Variants in PRDM16 observed in about 807,000 individuals in gnomAD.
PRDM16 encodes the protein histone-lysine N-methyltransferase PRDM16.
A neutral mutation model predicts 110.6 loss-of-function variants in PRDM16; 23 were observed. That is an observed-to-expected ratio of 0.21 (90% CI 0.15 to 0.29). The LOEUF (loss-of-function observed/expected upper bound fraction) is 0.29. Among genes scored for constraint, PRDM16 ranks in the 10% least tolerant of loss-of-function variants. The pLI, the probability that PRDM16 is intolerant of heterozygous loss-of-function variation, is 1.00. For missense variants in PRDM16, 1,615 were observed against 1,794.3 expected (o/e 0.90, Z 1.81); for synonymous variants, 799 against 781.8 (o/e 1.02, Z -0.37).
At chr1:3,378,540 C>T (rs1234928486) in intron 3 of PRDM16, among the ~76,000 whole-genome samples, 1 of 152,168 alleles carries the variant, frequency 6.6e-6, no homozygotes, top group African/African-American at 2.4e-5. Flanking sequence ...CTGGCCCTGT[C>T]TCCAGGGGCC....
Position 3,350,195 on chromosome 1 carries a change from A to G in PRDM16, c.439-34957A>G, listed in dbSNP as rs1241291755. 6.6e-6 allele frequency among the ~76,000 whole-genome samples: 1 copy of G among 152,184 alleles called. No homozygotes were observed. Among genetic ancestry groups the G allele is most frequent in the Non-Finnish European group, 1.5e-5 (1 of 68,038 alleles). ...ACAAAAATTAGCCTGATGTGATGGC[A>G]TGTGCTGGTAGTTCCAGCTACTCAG... On this transcript the variant is annotated intron_variant, in intron 3 of 16. Coordinates refer to ENST00000270722, the MANE Select transcript of PRDM16 (RefSeq NM_022114.4). The surrounding 1 kb of genome is among the most constrained non-coding windows in gnomAD (Gnocchi z 7.1).
chr1:3,304,993 C>T (rs1217309549), intron 3 of PRDM16, among the ~76,000 whole-genome samples: 1 of 152,174 alleles, frequency 6.6e-6, no homozygotes, highest in East Asian at 1.9e-4. Flanking sequence ...GTGCTCTGCC[C>T]TCCTGTGCAC....
rs1005195618 is a variant in PRDM16 at position 3,412,069 on chromosome 1, C to T, written c.1872C>T (p.Asp624=). Residue 624 remains aspartate (D), a synonymous_variant, in exon 9 of 17, where the codon GAC becomes GAT. Coordinates refer to ENST00000270722, the MANE Select transcript of PRDM16 (RefSeq NM_022114.4). ...ACACGACCACGGGGACGGGCTCGGA[C>T]CTGGACAGCGACGTGGACAGCGACC... is the stretch of plus-strand genomic sequence containing the variant. The part of the protein sequence containing the change: ...DLDTTTGTGS[D]LDSDVDSDPD... 6.2e-7 allele frequency: 1 copy of T among 1,604,158 alleles called. No homozygotes were observed.
At chr1:3,413,995 G>A (rs966024719) in intron 9 of PRDM16, among the ~76,000 whole-genome samples, 1 of 152,210 alleles carries the variant, frequency 6.6e-6, no homozygotes, top group African/African-American at 2.4e-5. Context: ...ACAGAAACCT[G>A]CTGGCCACTC....
chr1:3,317,538 C>G (rs1320166320), intron 3 of PRDM16, among the ~76,000 whole-genome samples: 1 of 148,712 alleles, frequency 6.7e-6, no homozygotes, highest in Non-Finnish European at 1.5e-5. Context: ...CTCCTTCCAT[C>G]CAGACCCCAC....
chr1:3,191,312 G>A (rs1638304620), intron 2 of PRDM16, among the ~76,000 whole-genome samples: 1 of 152,106 alleles, frequency 6.6e-6, no homozygotes, highest in Non-Finnish European at 1.5e-5. Context: ...ACTGTATCTG[G>A]GCCAGGGCCT....
intron 1 of PRDM16, among the ~76,000 whole-genome samples, chr1:3,169,267 A>G (rs898282223): frequency 3.9e-5 from 6 of 152,108 alleles, no homozygotes; most frequent in African/African-American, 1.4e-4. Flanking sequence ...TAAAAATGTG[A>G]TTCCTAAGGC....
chr1:3,181,006 G>T (rs956883558), intron 1 of PRDM16, among the ~76,000 whole-genome samples: 6 of 126,074 alleles, frequency 4.8e-5, no homozygotes, highest in Admixed American at 3.1e-4. Context: ...GATCTTACAC[G>T]CGGTCTTACA....
intron 2 of PRDM16, among the ~76,000 whole-genome samples, chr1:3,232,523 C>A (rs1639439536): frequency 6.6e-6 from 1 of 152,148 alleles, no homozygotes; most frequent in African/African-American, 2.4e-5. Context: ...GTACTTCTGG[C>A]CTCCTTGGCT....
At chr1:3,396,134 C>A (rs1190642464) in intron 4 of PRDM16, among the ~76,000 whole-genome samples, 1 of 152,138 alleles carries the variant, frequency 6.6e-6, no homozygotes, top group African/African-American at 2.4e-5. Flanking sequence ...CACTTACATA[C>A]ACAAAATGGA....
chr1:3,431,038 G>A lies in PRDM16; in HGVS notation c.3451G>A (p.Ala1151Thr), dbSNP rs1638751811. The A allele has an allele frequency of 6.4e-7, 1 of 1,563,764 alleles. No homozygotes were observed. Among genetic ancestry groups the A allele is most frequent in the Non-Finnish European group, 8.7e-7 (1 of 1,154,060 alleles). The part of the protein sequence containing the change: ...DTVSPAPEPQ[A>T]AYEDEEDEEP... The stretch of plus-strand genomic sequence containing the variant: ...CGTGTCCCCCGCACCCGAGCCCCAG[G>A]CCGCCTACGAGGATGAGGAGGATGA... The change falls in exon 15 of 17, where the codon GCC becomes ACC. Residue 1151 changes from alanine (A) to threonine (T), a missense_variant. Ala to Thr is a moderately conservative substitution (Grantham distance 58). This residue lies in a region of PRDM16 where 327 missense variants were observed against 359.3 expected (regional missense o/e 0.91). Transcript: ENST00000270722.
Position 3,157,203 on chromosome 1 carries a change from G to C in PRDM16, c.38-28922G>C, listed in dbSNP as rs540916970. Among the ~76,000 whole-genome samples the C allele has an allele frequency of 6.6e-6, 1 of 152,282 alleles. No homozygotes were observed. Among genetic ancestry groups the C allele is most frequent in the South Asian group, 2.1e-4 (1 of 4,826 alleles). On this transcript the variant is annotated intron_variant, in intron 1 of 16. Coordinates refer to ENST00000270722, the MANE Select transcript of PRDM16 (RefSeq NM_022114.4). The surrounding 1 kb of genome is among the most constrained non-coding windows in gnomAD (Gnocchi z 4.8). ...AGGGCCGCTCGGCAACCGCTGAGCC[G>C]GCGCAAGAGCTCAGGCCCTCAGGGA...
chr1:3,426,095 G>A lies in PRDM16; in HGVS notation c.3154G>A (p.Ala1052Thr), dbSNP rs113879347. Residue 1052 changes from alanine to threonine, a missense_variant, in exon 14 of 17, where the codon GCG becomes ACG. This residue lies in a region of PRDM16 where 327 missense variants were observed against 359.3 expected (regional missense o/e 0.91). Coordinates refer to ENST00000270722, the MANE Select transcript of PRDM16 (RefSeq NM_022114.4). ...GVLTNHLGTS[A>T]SSPTSESDNH... ...CCTCACGAACCACCTGGGGACCAGC[G>A]CGTCCTCTCCCACCTCAGAGTCGGA... The A allele has an allele frequency of 2.2e-4, 348 of 1,613,868 alleles. 4 individuals carry two copies. In the African/African-American group the frequency reaches 2.7e-3, roughly 12 times the overall value.
chr1:3,357,553 G>A (rs1375912877), intron 3 of PRDM16, among the ~76,000 whole-genome samples: 13 of 139,102 alleles, frequency 9.3e-5, no homozygotes, highest in Admixed American at 2.7e-4. Flanking sequence ...TCCAGGAAGC[G>A]CCGTTCCCCC....
intron 3 of PRDM16, among the ~76,000 whole-genome samples, chr1:3,324,726 A>C (rs1641847627): frequency 7.1e-6 from 1 of 141,354 alleles, no homozygotes; most frequent in Non-Finnish European, 1.5e-5. Context: ...GTCCCCCCTG[A>C]TTCCGTCGTC....
intron 2 of PRDM16, 166 bp downstream of exon 2, chr1:3,186,640 C>G: frequency 1.8e-6 from 1 of 562,520 alleles, no homozygotes; most frequent in South Asian, 2.6e-5. Context: ...TCGCCTGATG[C>G]GACTCAGAAA....
At chr1:3,166,594 C>G (rs970356921) in intron 1 of PRDM16, among the ~76,000 whole-genome samples, 2 of 152,210 alleles carry the variant, frequency 1.3e-5, no homozygotes, top group Non-Finnish European at 2.9e-5. Context: ...GACAGTCCCT[C>G]GCATCGCCAG....
intron 3 of PRDM16, among the ~76,000 whole-genome samples, chr1:3,287,286 TCCAGGATTGCATTTACCGGGGCTGGAGCC>T (rs1640869947): frequency 7.0e-6 from 1 of 143,366 alleles, no homozygotes; most frequent in Non-Finnish European, 1.5e-5. Context: ...CACGCGGGCA[TCCAGGATTGCATTTACCGGGGCTGGAGCC>T]GCCCCGCCAC....
chr1:3,121,046 TCCC>T (rs941540736), intron 1 of PRDM16, among the ~76,000 whole-genome samples: 2 of 152,174 alleles, frequency 1.3e-5, no homozygotes, highest in African/African-American at 4.8e-5. Flanking sequence ...GTGTGGTTTC[TCCC>T]CCTTTCTTTC....
Sources: allele counts gnomAD v4.1 joint callset (sites outside exome capture counted in the v4.1 genomes callset), GRCh38; gene constraint gnomAD v4.1.1; regional missense constraint gnomAD v4.1.1; non-coding constraint Gnocchi (gnomAD v3.1); transcripts MANE v1.5; gene names NCBI Gene and HGNC (gene_info 2026-07-23, HGNC 2026-07-21).